Variants in PRDM16 observed in about 807,000 individuals in gnomAD.
PRDM16 encodes histone-lysine N-methyltransferase PRDM16.
A neutral mutation model predicts 110.6 loss-of-function variants in PRDM16; 23 were observed. The ratio of observed to expected loss-of-function variants is 0.21; its 90% confidence interval spans 0.15 to 0.29. PRDM16 has a LOEUF of 0.29. Among genes scored for constraint, PRDM16 ranks in the 10% least tolerant of loss-of-function variants. PRDM16 has a pLI of 1.00. For synonymous variants in PRDM16, 799 were observed against 781.8 expected (o/e 1.02, Z -0.37); for missense variants, 1,615 against 1,794.3 (o/e 0.90, Z 1.81).
At chr1:3,418,078 G>A in intron 11 of PRDM16, 81 bp downstream of exon 11, 1 of 1,248,232 alleles carries the variant, frequency 8.0e-7, no homozygotes, top group Non-Finnish European at 1.1e-6. Context: ...TGTGCTTCCA[G>A]GAAAAACTCA....
rs1027688051 is a variant in PRDM16 at position 3,436,672 on chromosome 1, A to C, written c.*2861A>C. ...TGCCCAGCAGTGTTGGTGCCCAGAGATGACAAGGGCCAGGGAGCCTGGCCC... is the reference window on the plus strand; with the variant it reads ...TGCCCAGCAGTGTTGGTGCCCAGAGCTGACAAGGGCCAGGGAGCCTGGCCC... On this transcript the variant is annotated 3_prime_UTR_variant, in exon 17 of 17. Coordinates refer to ENST00000270722, the MANE Select transcript of PRDM16 (RefSeq NM_022114.4). 34 of 228,952 alleles carry C rather than the reference A, an allele frequency of 1.5e-4. No homozygotes were observed. The highest frequency in any genetic ancestry group is 1.1e-3 in the Admixed American group (19 of 17,542). The allele number at this position is 228,952 out of a possible 1,614,324, so 14.2% of individuals were successfully genotyped here.
intron 14 of PRDM16, among the ~76,000 whole-genome samples, chr1:3,429,941 C>T (rs187349554): frequency 1.6e-4 from 25 of 152,328 alleles, no homozygotes; most frequent in African/African-American, 5.8e-4. Flanking sequence ...TCACCCACAC[C>T]GTGGATACCT....
chr1:3,411,633 A>C lies in PRDM16; in HGVS notation c.1436A>C (p.Asn479Thr), dbSNP rs748583430. The C allele has an allele frequency of 6.2e-7, 1 of 1,613,812 alleles. No homozygotes were observed. The highest frequency in any genetic ancestry group is 1.1e-5 in the South Asian group (1 of 91,054). Residue 479 changes from asparagine (N) to threonine (T), a missense_variant, in exon 9 of 17, where the codon AAT (asparagine) becomes ACT (threonine). Around this residue, in one of 5 missense-constraint regions of PRDM16, gnomAD observed 772 missense variants for 748.3 expected, o/e 1.03. Transcript: ENST00000270722. Reference sequence around the variant, plus strand: ...AAGGCAAAACCCTCCCCCAGCCTCAATCACGCCAGCCTGGGCTTCAACGAG... The same window carrying C: ...AAGGCAAAACCCTCCCCCAGCCTCACTCACGCCAGCCTGGGCTTCAACGAG... ...MDKAKPSPSL[N>T]HASLGFNEYF...
chr1:3,389,002 G>C (rs1026189783), intron 4 of PRDM16, among the ~76,000 whole-genome samples: 2 of 152,176 alleles, frequency 1.3e-5, no homozygotes, highest in African/African-American at 4.8e-5. Context: ...CACAGGCCCG[G>C]TTCTGACTGT....
intron 2 of PRDM16, among the ~76,000 whole-genome samples, chr1:3,235,752 G>A (rs892150630): frequency 6.6e-6 from 1 of 152,156 alleles, no homozygotes; most frequent in African/African-American, 2.4e-5. Context: ...GGTGTGGGGG[G>A]TCCCTGCCAT....
At chr1:3,409,461 C>T (rs971763971) in intron 8 of PRDM16, among the ~76,000 whole-genome samples, 3 of 152,080 alleles carry the variant, frequency 2.0e-5, no homozygotes, top group African/African-American at 7.2e-5. Context: ...GAAGGTAGAG[C>T]GGTTAATATA....
At chr1:3,420,039 T>C (rs1292141032) in intron 12 of PRDM16, among the ~76,000 whole-genome samples, 1 of 152,076 alleles carries the variant, frequency 6.6e-6, no homozygotes, top group Non-Finnish European at 1.5e-5. Context: ...TTTTCTGTAA[T>C]GAGAGCCGAC....
chr1:3,240,487 C>G (rs1378294528), intron 2 of PRDM16, among the ~76,000 whole-genome samples: 1 of 151,906 alleles, frequency 6.6e-6, no homozygotes, highest in African/African-American at 2.4e-5. Flanking sequence ...GCTCTCAATG[C>G]CAAGAGCAAG....
rs191414188 is a variant in PRDM16, at chr1:3,235,152, G to A, written c.388-8935G>A. On this transcript the variant is annotated intron_variant, in intron 2 of 16. Transcript: ENST00000270722. ...CTGCCTGCAGGTCCTGGGGCCCTGC[G>A]AGGCCGCCCAGCCGCTCCAGGCCTT... Among the ~76,000 whole-genome samples the A allele has an allele frequency of 9.4e-4, 143 of 152,330 alleles. 3 individuals carry two copies. In the East Asian group the frequency reaches 0.021, roughly 22 times the overall value.
At chr1:3,089,701 C>G (rs573131571) in intron 1 of PRDM16, among the ~76,000 whole-genome samples, 5 of 152,338 alleles carry the variant, frequency 3.3e-5, no homozygotes, top group South Asian at 4.1e-4. Context: ...CTGGCATTGT[C>G]GAATTTCCCT....
At chr1:3,134,036 G>C (rs913419894) in intron 1 of PRDM16, among the ~76,000 whole-genome samples, 2 of 152,214 alleles carry the variant, frequency 1.3e-5, no homozygotes, top group Admixed American at 6.5e-5. Context: ...CAGGCAGCGC[G>C]TCCAGTTCAG....
chr1:3,265,033 T>C lies in PRDM16; in HGVS notation c.438+20896T>C, dbSNP rs1640254917. On this transcript the variant is annotated intron_variant, in intron 3 of 16. Coordinates refer to ENST00000270722, the MANE Select transcript of PRDM16 (RefSeq NM_022114.4). This position sits in a 1 kb window ranked among gnomAD's most constrained non-coding sequence, Gnocchi z 4.5. ...TTTCTGAGCACAGAGAAACCTGAGCTGAGCCACTGAGTCCCCCAGCCTCTC... is the reference window on the plus strand; with the variant it reads ...TTTCTGAGCACAGAGAAACCTGAGCCGAGCCACTGAGTCCCCCAGCCTCTC... Among the ~76,000 whole-genome samples the C allele has an allele frequency of 6.6e-6, 1 of 151,378 alleles. No homozygotes were observed. The highest frequency in any genetic ancestry group is 1.5e-5 in the Non-Finnish European group (1 of 67,840).
intron 3 of PRDM16, among the ~76,000 whole-genome samples, chr1:3,277,131 A>G (rs561407037): frequency 4.6e-5 from 7 of 152,244 alleles, no homozygotes; most frequent in Non-Finnish European, 8.8e-5. Flanking sequence ...TCTCTGCACA[A>G]TGACCAGCAG....
chr1:3,339,653 C>T lies in PRDM16; in HGVS notation c.439-45499C>T, dbSNP rs918693178. 1.3e-5 allele frequency among the ~76,000 whole-genome samples: 2 copies of T among 152,134 alleles called. No individual in the cohort carries two copies. Among genetic ancestry groups the T allele is most frequent in the African/African-American group, 2.4e-5 (1 of 41,430 alleles). On this transcript the variant is annotated intron_variant, in intron 3 of 16. Transcript: ENST00000270722. This position sits in a 1 kb window ranked among gnomAD's most constrained non-coding sequence, Gnocchi z 5.0. ...GCTCGTGAAGGTGACAGTCCTACTG[C>T]GGACCCCTGGCTGCATTGTGTGTGT...
At chr1:3,123,159 C>T (rs893676282) in intron 1 of PRDM16, among the ~76,000 whole-genome samples, 4 of 152,172 alleles carry the variant, frequency 2.6e-5, no homozygotes, top group Admixed American at 1.3e-4. Flanking sequence ...CCCAAGCCTT[C>T]GGCGCTCCCC....
At chr1:3,321,684 G>T (rs1641753085) in intron 3 of PRDM16, among the ~76,000 whole-genome samples, 2 of 150,328 alleles carry the variant, frequency 1.3e-5, no homozygotes, top group South Asian at 4.3e-4. Context: ...TGTGTGTGTG[G>T]GTGCACGTGT....
intron 3 of PRDM16, among the ~76,000 whole-genome samples, chr1:3,292,848 G>A (rs890741537): frequency 2.6e-5 from 4 of 152,202 alleles, no homozygotes; most frequent in Admixed American, 2.0e-4. Context: ...TTGTATCTTC[G>A]AATGGCCTGG....
chr1:3,220,014 A>C (rs1569867271), intron 2 of PRDM16, among the ~76,000 whole-genome samples: 1 of 152,178 alleles, frequency 6.6e-6, no homozygotes, highest in East Asian at 1.9e-4. Context: ...GCCTCTCCTG[A>C]AAACCATTGA....
chr1:3,386,859 T>C (rs1019096031), intron 4 of PRDM16: 1 of 152,158 alleles, frequency 6.6e-6, no homozygotes, highest in Non-Finnish European at 1.5e-5. Flanking sequence ...ACTATAGTAA[T>C]GAAGGGCCCA....
Sources: gnomAD v4.1 joint callset for allele counts (sites outside exome capture counted in the v4.1 genomes callset) on GRCh38, gnomAD v4.1.1 for gene constraint, gnomAD v4.1.1 regional missense constraint, Gnocchi (gnomAD v3.1) non-coding constraint, MANE v1.5 for transcripts, NCBI Gene and HGNC (gene_info 2026-07-23, HGNC 2026-07-21) for gene names.